SLC15A4: variants seen among roughly 807,000 people sequenced by gnomAD.
The protein encoded by SLC15A4 is solute carrier family 15 member 4.
SLC15A4 carries 26 observed loss-of-function variants against 46.1 expected under a neutral mutation model. That is an observed-to-expected ratio of 0.56 (90% CI 0.41 to 0.78). SLC15A4 has a LOEUF of 0.78. Among genes scored for constraint, SLC15A4 ranks in the 30% least tolerant of loss-of-function variants. The pLI is 0.00. For missense variants in SLC15A4, 751 were observed against 755.7 expected, an observed-to-expected ratio of 0.99 and a Z score of 0.07; for synonymous variants, 370 against 333.4, an observed-to-expected ratio of 1.11 and a Z score of -1.20.
intron 1 of SLC15A4, among the ~76,000 whole-genome samples, chr12:128,817,418 A>G (rs1459219963): frequency 6.6e-6 from 1 of 152,262 alleles, no homozygotes; most frequent in Non-Finnish European, 1.5e-5. Context: ...TAATTTTTTG[A>G]CAAGCATAAA....
intron 1 of SLC15A4, chr12:128,815,327 T>TGTGGAAA: frequency 1.2e-5 from 5 of 414,006 alleles, no homozygotes; most frequent in Non-Finnish European, 1.3e-5. Flanking sequence ...TTTCCAAGTA[T>TGTGGAAA]ATTCTGCTGT....
intron 5 of SLC15A4, among the ~76,000 whole-genome samples, chr12:128,806,165 C>CAAA (rs765448653): frequency 3.5e-5 from 3 of 86,296 alleles, no homozygotes; most frequent in Non-Finnish European, 6.5e-5. Context: ...GACTCTGTCT[C>CAAA]AAAAAAAAAA....
intron 4 of SLC15A4, 102 bp downstream of exon 4, chr12:128,809,294 C>T (rs1333157278): frequency 3.1e-5 from 23 of 735,942 alleles, no homozygotes; most frequent in Admixed American, 2.2e-4. Flanking sequence ...GCTTTTGTGT[C>T]GGTGCTGTTA....
At chr12:128,822,061 C>G (rs1390783025) in intron 1 of SLC15A4, among the ~76,000 whole-genome samples, 2 of 152,206 alleles carry the variant, frequency 1.3e-5, no homozygotes, top group Non-Finnish European at 2.9e-5. Context: ...CGCTTTAACA[C>G]TCCTCACATG....
chr12:128,813,940 A>G (rs1434662432), intron 2 of SLC15A4: 1 of 154,092 alleles, frequency 6.5e-6, no homozygotes, highest in East Asian at 1.9e-4. Context: ...GAGTAACACA[A>G]ACACTTCTGA....
At chr12:128,796,249 C>T (rs1955440713) in intron 7 of SLC15A4, among the ~76,000 whole-genome samples, 1 of 151,954 alleles carries the variant, frequency 6.6e-6, no homozygotes. Flanking sequence ...CACGATGAAA[C>T]CCCGTCTCTA....
chr12:128,809,272 T>G lies in SLC15A4; in HGVS notation c.1089+124A>C, dbSNP rs116558918. ...TCTCTAAAATAAGTAAAAACTCTAT[T>G]TCAATAACAATGCTTTTGTGTCGGT... is the stretch of plus-strand genomic sequence containing the variant. On this transcript the variant is annotated intron_variant, in intron 4 of 7. Transcript: ENST00000266771. The G allele has an allele frequency of 1.4e-3, 987 of 689,006 alleles. 2 individuals are homozygous for G. In the African/African-American group the frequency reaches 0.015, roughly 11 times the overall value. The allele number at this position is 689,006 out of a possible 1,614,324, so 42.7% of individuals were successfully genotyped here. A position where few individuals can be genotyped will look rare whatever the true frequency, so the allele number is the denominator to read the frequency against.
intron 5 of SLC15A4, among the ~76,000 whole-genome samples, chr12:128,805,420 CAT>C (rs1162749720): frequency 1.3e-5 from 2 of 152,034 alleles, no homozygotes; most frequent in African/African-American, 2.4e-5. Flanking sequence ...TATAAAATCC[CAT>C]ATATGAGGAA....
intron 1 of SLC15A4, among the ~76,000 whole-genome samples, chr12:128,823,052 G>A (rs1487264191): frequency 2.0e-5 from 3 of 151,714 alleles, no homozygotes; most frequent in African/African-American, 7.3e-5. Flanking sequence ...TGCCCAACCT[G>A]GTCTCAAAGT....
chr12:128,808,842 G>C lies in SLC15A4; in HGVS notation c.1204C>G (p.Leu402Val). The C allele has an allele frequency of 6.2e-7, 1 of 1,614,248 alleles. No individual in the cohort carries two copies. ...AACATGCCCACGGCGATCCTCTTCA[G>C]GGAGGATGGGAGCAGGCCATGTCTT... ...LRRHGLLPSS[L>V]KRIAVGMFFV... Residue 402 changes from leucine (L) to valine (V), a missense_variant, in exon 5 of 8, where the codon CTG (leucine) becomes GTG (valine). Physicochemically the swap from Leu to Val is conservative, Grantham distance 32. Coordinates refer to ENST00000266771, the MANE Select transcript of SLC15A4 (RefSeq NM_145648.4).
At chr12:128,820,499 G>A (rs1015152890) in intron 1 of SLC15A4, among the ~76,000 whole-genome samples, 3 of 152,184 alleles carry the variant, frequency 2.0e-5, no homozygotes, top group African/African-American at 7.2e-5. Flanking sequence ...GACTGTAACG[G>A]ATAGCCTTAC....
chr12:128,818,240 C>T (rs901879329), intron 1 of SLC15A4, among the ~76,000 whole-genome samples: 8 of 152,020 alleles, frequency 5.3e-5, no homozygotes, highest in Non-Finnish European at 1.0e-4. Context: ...CACGAACATA[C>T]GTCTCCCTTG....
intron 5 of SLC15A4, among the ~76,000 whole-genome samples, chr12:128,807,994 C>T (rs567568277): frequency 6.6e-6 from 1 of 152,358 alleles, no homozygotes; most frequent in Non-Finnish European, 1.5e-5. Context: ...ATGCTTAACA[C>T]TGAATTCCTC....
intron 1 of SLC15A4, among the ~76,000 whole-genome samples, chr12:128,822,184 C>G (rs781000715): frequency 6.6e-6 from 1 of 152,168 alleles, no homozygotes; most frequent in Non-Finnish European, 1.5e-5. Context: ...ACTTGGTGGC[C>G]ACGTCCTTGC....
intron 1 of SLC15A4, among the ~76,000 whole-genome samples, chr12:128,818,832 TC>T (rs950463734): frequency 6.6e-6 from 1 of 152,186 alleles, no homozygotes; most frequent in African/African-American, 2.4e-5. Context: ...ACTCGCCTCT[TC>T]CGGGCATTCC....
chr12:128,803,387 A>T (rs187393484), intron 5 of SLC15A4, among the ~76,000 whole-genome samples: 1 of 152,202 alleles, frequency 6.6e-6, no homozygotes, highest in East Asian at 1.9e-4. Flanking sequence ...TTGTGTGATG[A>T]GCCGCTTTTG....
intron 5 of SLC15A4, among the ~76,000 whole-genome samples, chr12:128,806,295 T>C (rs1431134177): frequency 6.6e-6 from 1 of 152,136 alleles, no homozygotes. Context: ...GATGACAAGT[T>C]TGATAAATTT....
In SLC15A4 at chr12:128,812,413, G is replaced by A. The variant is rs889071711; in HGVS notation, c.843-2302C>T. Among the ~76,000 whole-genome samples, 9 of 152,112 alleles carry A rather than the reference G, an allele frequency of 5.9e-5. No homozygotes were observed. In the South Asian group the frequency reaches 1.5e-3, roughly 25 times the overall value. On this transcript the variant is annotated intron_variant, in intron 2 of 7. Transcript: ENST00000266771. Reference sequence around the variant, plus strand: ...CGGCTCACTGCAAGCTCCGCCTCCCGGGTTCACGCCATTCTCCTGCCTCAG... The same window carrying A: ...CGGCTCACTGCAAGCTCCGCCTCCCAGGTTCACGCCATTCTCCTGCCTCAG...
At chr12:128,799,150 G>C (rs574234910) in intron 7 of SLC15A4, 109 bp downstream of exon 7, 2 of 1,218,362 alleles carry the variant, frequency 1.6e-6, no homozygotes, top group South Asian at 1.4e-5. Context: ...CAGGCAGCTC[G>C]GGACAGGCCA....
Sources: allele counts gnomAD v4.1 joint callset (sites outside exome capture counted in the v4.1 genomes callset), GRCh38; gene constraint gnomAD v4.1.1; transcripts MANE v1.5; gene names NCBI Gene and HGNC (gene_info 2026-07-23, HGNC 2026-07-21).